Variants in BACH2 observed in about 807,000 individuals in gnomAD.
The protein encoded by BACH2 is BACH transcriptional regulator 2, also known as transcription regulator protein BACH2.
BACH2 carries 5 observed loss-of-function variants against 61.8 expected under a neutral mutation model. That is an observed-to-expected ratio of 0.08 (90% confidence interval 0.04 to 0.17). The LOEUF (loss-of-function observed/expected upper bound fraction) is 0.17, where lower values mean the gene tolerates loss of function less well. Among genes scored for constraint, BACH2 ranks in the 10% least tolerant of loss-of-function variants. BACH2 has a pLI of 1.00. For missense variants in BACH2, 824 were observed against 1,091.1 expected (o/e 0.76, Z 3.45); for synonymous variants, 446 against 440.1 (o/e 1.01, Z -0.17).
At position 89,952,609 on chromosome 6, in the gene BACH2, A is replaced by G. The variant is rs190627929; in HGVS notation, c.244-747T>C. The stretch of plus-strand genomic sequence containing the variant: ...CTCATTTAAATGGTTGAAGCTGCTG[A>G]GTGGCACAGGGTATGGGCTATTCCT... On this transcript the variant is annotated intron_variant, in intron 6 of 8. Coordinates refer to ENST00000257749, the MANE Select transcript of BACH2 (RefSeq NM_021813.4). Among the ~76,000 whole-genome samples the G allele has an allele frequency of 1.4e-4, 21 of 152,326 alleles. No individual in the cohort carries two copies. The East Asian group carries it at 3.1e-3, about 22-fold the overall frequency.
intron 5 of BACH2, among the ~76,000 whole-genome samples, chr6:90,065,520 A>G (rs1780917193): frequency 6.6e-6 from 1 of 152,064 alleles, no homozygotes; most frequent in African/African-American, 2.4e-5. Flanking sequence ...GTTGTAGTGC[A>G]GAAGCAGCCA....
At chr6:90,157,640 T>C (rs1230933316) in intron 4 of BACH2, among the ~76,000 whole-genome samples, 2 of 152,132 alleles carry the variant, frequency 1.3e-5, no homozygotes, top group Non-Finnish European at 2.9e-5. Flanking sequence ...AGATCTTGTA[T>C]ATCTAACAAC....
intron 3 of BACH2, among the ~76,000 whole-genome samples, chr6:90,225,273 C>T (rs1330550363): frequency 6.6e-6 from 1 of 152,022 alleles, no homozygotes; most frequent in African/African-American, 2.4e-5. Context: ...CCCAGCTACT[C>T]GGGAGGCTGA....
At chr6:90,021,802 C>T (rs1337912383) in intron 5 of BACH2, among the ~76,000 whole-genome samples, 1 of 152,194 alleles carries the variant, frequency 6.6e-6, no homozygotes, top group African/African-American at 2.4e-5. Context: ...TGGAAAACTG[C>T]AGTGCTTGTC....
At chr6:90,062,896 A>G in intron 5 of BACH2, 1 of 985,168 alleles carries the variant, frequency 1.0e-6, no homozygotes, top group Non-Finnish European at 1.2e-6. Flanking sequence ...GGCTCTGCCA[A>G]GACTTGAACA....
intron 3 of BACH2, among the ~76,000 whole-genome samples, chr6:90,230,695 T>C (rs1420336339): frequency 6.6e-6 from 1 of 152,178 alleles, no homozygotes; most frequent in Non-Finnish European, 1.5e-5. Context: ...GAATGTGGGC[T>C]TAATGGCAAA....
chr6:90,137,272 A>G (rs945360937), intron 4 of BACH2, among the ~76,000 whole-genome samples: 3 of 152,338 alleles, frequency 2.0e-5, no homozygotes, highest in South Asian at 4.1e-4. Flanking sequence ...AGTTCTGCCT[A>G]AAGTATATGC....
chr6:90,008,996 A>G lies in BACH2; in HGVS notation c.-12-140T>C, dbSNP rs1777560449. The stretch of plus-strand genomic sequence containing the variant: ...GAGCATGGCAGGAAGGAGGGGAATT[A>G]CCAATCAGCATATTTGTGCTTACTC... On this transcript the variant is annotated intron_variant, in intron 5 of 8. Transcript: ENST00000257749. The surrounding 1 kb of genome is among the most constrained non-coding windows in gnomAD (Gnocchi z 4.1). 9.9e-7 allele frequency: 1 copy of G among 1,011,930 alleles called. No individual in the cohort carries two copies. The highest frequency in any genetic ancestry group is 1.6e-5 in the African/African-American group (1 of 61,482). 62.7% of individuals were successfully genotyped at this position (1,011,930 alleles called of 1,614,324 possible). A position where few individuals can be genotyped will look rare whatever the true frequency, so the allele number is the denominator to read the frequency against.
chr6:90,110,387 G>A (rs531928023), intron 4 of BACH2, among the ~76,000 whole-genome samples: 1 of 152,202 alleles, frequency 6.6e-6, no homozygotes, highest in South Asian at 2.1e-4. Context: ...TTTCACCTGT[G>A]CATAATTTTA....
At chr6:90,063,343 T>C (rs1304647622) in intron 5 of BACH2, among the ~76,000 whole-genome samples, 3 of 152,220 alleles carry the variant, frequency 2.0e-5, no homozygotes, top group Admixed American at 6.5e-5. Flanking sequence ...ACAATCATTC[T>C]AATTTTTCCT....
intron 5 of BACH2, among the ~76,000 whole-genome samples, chr6:90,045,518 T>C (rs1234650736): frequency 6.6e-6 from 1 of 151,606 alleles, no homozygotes; most frequent in Non-Finnish European, 1.5e-5. Flanking sequence ...TCATCTCTAT[T>C]GAAGAAACAG....
intron 2 of BACH2, among the ~76,000 whole-genome samples, chr6:90,267,412 C>G (rs1465317685): frequency 6.6e-6 from 1 of 152,120 alleles, no homozygotes; most frequent in Non-Finnish European, 1.5e-5. Context: ...AAAAAGACTC[C>G]TAACACCTGG....
intron 6 of BACH2, among the ~76,000 whole-genome samples, chr6:89,972,416 C>T (rs1775419378): frequency 6.6e-6 from 1 of 152,088 alleles, no homozygotes; most frequent in Non-Finnish European, 1.5e-5. Context: ...GAGTATAGGC[C>T]AATTCAAGAC....
chr6:90,295,319 C>A (rs1312904349), intron 1 of BACH2, among the ~76,000 whole-genome samples: 1 of 152,228 alleles, frequency 6.6e-6, no homozygotes. Flanking sequence ...ATGCCCCATG[C>A]GCCCGCGACC....
chr6:90,055,772 T>C (rs1466333424), intron 5 of BACH2, among the ~76,000 whole-genome samples: 1 of 152,104 alleles, frequency 6.6e-6, no homozygotes, highest in Non-Finnish European at 1.5e-5. Flanking sequence ...TAACAGCTGA[T>C]CTCTCGGCAG....
chr6:90,160,819 G>A (rs1426495955), intron 4 of BACH2, among the ~76,000 whole-genome samples: 2 of 152,132 alleles, frequency 1.3e-5, no homozygotes, highest in African/African-American at 2.4e-5. Flanking sequence ...GGCCAGGCAC[G>A]GTGGCTCATG....
intron 4 of BACH2, among the ~76,000 whole-genome samples, chr6:90,195,314 C>G (rs1202231250): frequency 1.3e-5 from 2 of 152,124 alleles, no homozygotes; most frequent in East Asian, 3.9e-4. Context: ...AGACAGAGAG[C>G]AAGGAGAGCG....
chr6:90,038,385 T>C (rs1779365741), intron 5 of BACH2, among the ~76,000 whole-genome samples: 1 of 152,196 alleles, frequency 6.6e-6, no homozygotes, highest in Non-Finnish European at 1.5e-5. Context: ...TTTTCTCTTT[T>C]TGAACTTTAA....
chr6:90,224,906 G>A (rs1769860027), intron 3 of BACH2, among the ~76,000 whole-genome samples: 1 of 152,200 alleles, frequency 6.6e-6, no homozygotes, highest in South Asian at 2.1e-4. Context: ...CAAAACTGCA[G>A]AAAGTGTTTT....
Sources: allele counts gnomAD v4.1 joint callset (sites outside exome capture counted in the v4.1 genomes callset), GRCh38; gene constraint gnomAD v4.1.1; non-coding constraint Gnocchi (gnomAD v3.1); transcripts MANE v1.5; gene names NCBI Gene and HGNC (gene_info 2026-07-23, HGNC 2026-07-21).